NAPA: variants seen among roughly 807,000 people sequenced by gnomAD.
NAPA encodes alpha-soluble NSF attachment protein.
Under a neutral mutation model 48.0 loss-of-function variants are expected in NAPA, and 18 were observed. The ratio of observed to expected loss-of-function variants is 0.38; its 90% CI spans 0.26 to 0.56. The LOEUF is 0.56. Among genes scored for constraint, NAPA ranks in the 20% least tolerant of loss-of-function variants. The pLI is 0.77. For synonymous variants in NAPA, 152 were observed against 149.9 expected, an observed-to-expected ratio of 1.01 and a Z score of -0.10; for missense variants, 315 against 385.0, an observed-to-expected ratio of 0.82 and a Z score of 1.52.
At chr19:47,504,411 A>G (rs2122767157) in intron 1 of NAPA, among the ~76,000 whole-genome samples, 1 of 151,730 alleles carries the variant, frequency 6.6e-6, no homozygotes, top group East Asian at 1.9e-4. Flanking sequence ...AAAAAAAAAA[A>G]AAAAAAAAAG....
At chr19:47,503,769 C>T (rs1228381842) in intron 1 of NAPA, among the ~76,000 whole-genome samples, 7 of 151,258 alleles carry the variant, frequency 4.6e-5, no homozygotes, top group Non-Finnish European at 1.0e-4. Context: ...CCTGACCCCA[C>T]CACAACCCCA....
chr19:47,503,236 C>G (rs1968619085), intron 2 of NAPA, among the ~76,000 whole-genome samples, 187 bp downstream of exon 2: 1 of 152,238 alleles, frequency 6.6e-6, no homozygotes. Context: ...CACCAAGGCC[C>G]CATGACCCAG....
At chr19:47,486,078 G>T (rs1012282730), downstream of NAPA, among the ~76,000 whole-genome samples, 1 of 152,298 alleles carries the variant, frequency 6.6e-6, no homozygotes, top group South Asian at 2.1e-4. Context: ...AAAACAGGCC[G>T]GGCCTGGTGG....
chr19:47,505,767 C>T (rs188990542), intron 1 of NAPA, among the ~76,000 whole-genome samples: 1 of 152,272 alleles, frequency 6.6e-6, no homozygotes, highest in Non-Finnish European at 1.5e-5. Context: ...CACATCACAC[C>T]AGGTAAATAA....
At position 47,489,606 on chromosome 19, in the gene NAPA, C is replaced by A. The variant is rs776636465; in HGVS notation, c.786+105G>T. 337 of 1,280,022 alleles carry A rather than the reference C, an allele frequency of 2.6e-4. 1 individual carries two copies. The highest frequency in any genetic ancestry group is 3.5e-4 in the Non-Finnish European group (313 of 896,288). The allele number at this position is 1,280,022 out of a possible 1,614,324, so 79.3% of individuals were successfully genotyped here. A position where few individuals can be genotyped will look rare whatever the true frequency, so the allele number is the denominator to read the frequency against. ...AAAGAACTTCACAGTGGGCTGGGGGCCAGATGAAATGGGTGAATGTCATGG... is the reference window on the plus strand; with the variant it reads ...AAAGAACTTCACAGTGGGCTGGGGGACAGATGAAATGGGTGAATGTCATGG... On this transcript the variant is annotated intron_variant, in intron 10 of 10. Transcript: ENST00000263354.
intron 2 of NAPA, among the ~76,000 whole-genome samples, chr19:47,501,893 A>G (rs1220168019): frequency 6.6e-6 from 1 of 152,152 alleles, no homozygotes; most frequent in Admixed American, 6.5e-5. Context: ...AGAAAAGACA[A>G]AGCCTTCCGG....
At chr19:47,503,394 T>A (rs751758288) in intron 2 of NAPA, 29 bp downstream of exon 2, 1 of 1,603,502 alleles carries the variant, frequency 6.2e-7, no homozygotes, top group Non-Finnish European at 8.5e-7. Flanking sequence ...GGAGAGCACC[T>A]TGGAGGAGCT....
At chr19:47,488,543 T>C (rs1968144608) in intron 10 of NAPA, 154 bp from the exon 11 acceptor site, 1 of 546,310 alleles carries the variant, frequency 1.8e-6, no homozygotes, top group South Asian at 2.3e-5. Flanking sequence ...AACTCAGCCA[T>C]GGGAGCTCCC....
Position 47,514,921 on chromosome 19 carries a change from T to G in NAPA, c.20A>C (p.Glu7Ala). The stretch of plus-strand genomic sequence containing the variant: ...GGCCAACAGCGCCATCGCCTCCGCT[T>G]CCTTCCCGGAATTGTCCATGGCGGC... MDNSGK[E>A]AEAMALLAEA... Residue 7 changes from glutamate to alanine, a missense_variant, in exon 1 of 11, where the codon GAA becomes GCA. Physicochemically the swap from Glu to Ala is moderately radical, Grantham distance 107. Around this residue, in one of 3 missense-constraint regions of NAPA, gnomAD observed 173 missense variants for 213.5 expected, o/e 0.81. Coordinates refer to ENST00000263354, the MANE Select transcript of NAPA (RefSeq NM_003827.4). 2 of 1,613,932 alleles carry G rather than the reference T, an allele frequency of 1.2e-6. No individual in the cohort carries two copies. The highest frequency in any genetic ancestry group is 1.7e-6 in the Non-Finnish European group (2 of 1,179,982).
intron 3 of NAPA, 56 bp downstream of exon 3, chr19:47,500,577 G>A: frequency 7.2e-7 from 1 of 1,395,186 alleles, no homozygotes; most frequent in Non-Finnish European, 9.7e-7. Context: ...AATCAATGCA[G>A]GGTGCTAGGA....
chr19:47,502,445 G>A (rs774901622), intron 2 of NAPA, among the ~76,000 whole-genome samples: 1 of 151,936 alleles, frequency 6.6e-6, no homozygotes, highest in Non-Finnish European at 1.5e-5. Context: ...AAAAACATTT[G>A]GCTTTATTCA....
chr19:47,493,133 G>C lies in NAPA; in HGVS notation c.462C>G (p.Gly154=). 3 of 1,612,060 alleles carry C rather than the reference G, an allele frequency of 1.9e-6. No homozygotes were observed. Among genetic ancestry groups the C allele is most frequent in the Non-Finnish European group, 2.5e-6 (3 of 1,178,990 alleles). Residue 154 remains glycine (G), a synonymous_variant, in exon 6 of 11, where the codon GGC becomes GGG. Coordinates refer to ENST00000263354, the MANE Select transcript of NAPA (RefSeq NM_003827.4). This position sits in a 1 kb window ranked among gnomAD's most constrained non-coding sequence, Gnocchi z 6.4. ...HYEQSADYYK[G]EESNSSANKC... ...AAGGGGGCTACCTGTTGGACTCCTC[G>C]CCTTTGTAGTAGTCTGCAGACTGCT...
intron 1 of NAPA, among the ~76,000 whole-genome samples, chr19:47,513,055 TCTC>T (rs1968835616): frequency 6.6e-6 from 1 of 151,734 alleles, no homozygotes; most frequent in Non-Finnish European, 1.5e-5. Flanking sequence ...CTTTCCCAGG[TCTC>T]CTCTCAGTTT....
At chr19:47,509,954 A>G (rs950661175) in intron 1 of NAPA, among the ~76,000 whole-genome samples, 3 of 152,248 alleles carry the variant, frequency 2.0e-5, no homozygotes, top group Non-Finnish European at 4.4e-5. Flanking sequence ...GCCCCATCCC[A>G]AAAAGGAGAC....
Position 47,493,312 on chromosome 19 carries a change from C to T in NAPA, c.420+104G>A, listed in dbSNP as rs934975214. The T allele has an allele frequency of 1.3e-6, 2 of 1,501,850 alleles. No homozygotes were observed. The highest frequency in any genetic ancestry group is 1.4e-5 in the African/African-American group (1 of 72,742). 93.0% of individuals were successfully genotyped at this position (1,501,850 alleles called of 1,614,324 possible). Reference sequence around the variant, plus strand: ...CTCCAAGCTCTGCCGGCGCCCCATGCCCCCTTCTCGGCACTCAGACACCAG... The same window carrying T: ...CTCCAAGCTCTGCCGGCGCCCCATGTCCCCTTCTCGGCACTCAGACACCAG... On this transcript the variant is annotated intron_variant, in intron 5 of 10. Coordinates refer to ENST00000263354, the MANE Select transcript of NAPA (RefSeq NM_003827.4). This position sits in a 1 kb window ranked among gnomAD's most constrained non-coding sequence, Gnocchi z 6.4.
chr19:47,484,544 T>C (rs369505465), downstream of NAPA: 8 of 224,302 alleles, frequency 3.6e-5, no homozygotes, highest in Non-Finnish European at 7.0e-5. Context: ...TTCCATCTAA[T>C]ACTTTATTAA....
intron 1 of NAPA, among the ~76,000 whole-genome samples, chr19:47,514,223 T>G (rs1968861841): frequency 6.6e-6 from 1 of 151,830 alleles, no homozygotes; most frequent in African/African-American, 2.4e-5. Flanking sequence ...CCCCCCACAC[T>G]TCAGACGCGG....
At chr19:47,514,262 G>C (rs1449588928) in intron 1 of NAPA, among the ~76,000 whole-genome samples, 3 of 151,940 alleles carry the variant, frequency 2.0e-5, no homozygotes, top group Admixed American at 1.3e-4. Flanking sequence ...ATCTAGCCCT[G>C]AGCCCCTCTG....
chr19:47,489,505 G>A, intron 10 of NAPA: 3 of 625,390 alleles, frequency 4.8e-6, no homozygotes, highest in Non-Finnish European at 8.3e-6. Flanking sequence ...CAACCTCAGT[G>A]CCACCATCTA....
Sources: gnomAD v4.1 joint callset for allele counts (sites outside exome capture counted in the v4.1 genomes callset) on GRCh38, gnomAD v4.1.1 for gene constraint, gnomAD v4.1.1 regional missense constraint, Gnocchi (gnomAD v3.1) non-coding constraint, MANE v1.5 for transcripts, NCBI Gene and HGNC (gene_info 2026-07-23, HGNC 2026-07-21) for gene names.